The following RAB44 variants were observed in gnomAD, a reference collection of about 807,000 sequenced individuals.
RAB44 encodes RAB44, member RAS oncogene family.
A neutral mutation model predicts 93.3 loss-of-function variants in RAB44; 67 were observed. The observed-to-expected ratio is 0.72, with a 90% CI of 0.59 to 0.88. RAB44 has a LOEUF of 0.88. Ranked by LOEUF, RAB44 falls within the 40% of genes least tolerant of loss-of-function variation. RAB44 has a pLI of 0.00. For synonymous variants in RAB44, 427 were observed against 520.3 expected (o/e 0.82, Z 2.44); for missense variants, 1,064 against 1,261.7 (o/e 0.84, Z 2.37).
intron 1 of RAB44, among the ~76,000 whole-genome samples, chr6:36,700,790 T>C (rs984849443): frequency 2.0e-5 from 3 of 152,228 alleles, no homozygotes; most frequent in Non-Finnish European, 4.4e-5. Context: ...GAGTCTTTCT[T>C]TGAGTGTAAC....
intron 11 of RAB44, 129 bp from the exon 12 acceptor site, chr6:36,728,570 GA>G: frequency 2.9e-6 from 2 of 691,544 alleles, no homozygotes; most frequent in Middle Eastern, 2.5e-4. Flanking sequence ...GTCCAGGTGA[GA>G]AGGTTATGGA....
intron 3 of RAB44, among the ~76,000 whole-genome samples, chr6:36,714,807 C>A (rs2150332121): frequency 6.6e-6 from 1 of 152,376 alleles, no homozygotes; most frequent in African/African-American, 2.4e-5. Context: ...CTTCCTGGGG[C>A]CTGCAAGGCC....
chr6:36,701,247 C>T (rs916617435), intron 1 of RAB44, among the ~76,000 whole-genome samples: 15 of 152,148 alleles, frequency 9.9e-5, no homozygotes, highest in African/African-American at 3.6e-4. Context: ...ATAGCTAGAA[C>T]TTCAAGCACA....
intron 11 of RAB44, among the ~76,000 whole-genome samples, chr6:36,727,966 C>T (rs1376393835): frequency 6.6e-6 from 1 of 152,218 alleles, no homozygotes; most frequent in Non-Finnish European, 1.5e-5. Flanking sequence ...TCTTCTTACA[C>T]TTGAGGCTAA....
Position 36,713,912 on chromosome 6 carries a change from T to TC in RAB44, c.295dup (p.Leu99ProfsTer2). On this transcript the variant is annotated frameshift_variant, in exon 3 of 14. Coordinates refer to ENST00000612677, the MANE Select transcript of RAB44 (RefSeq NM_001257357.2). LOFTEE classifies it high-confidence loss of function. ...GGATGTGGAGCGGAAGGGACACCTG[T>TC]CCCTTGAAGAATTCAGCTCTGGACT... 6.5e-7 allele frequency: 1 copy of TC among 1,535,154 alleles called. No homozygotes were observed. Among genetic ancestry groups the TC allele is most frequent in the South Asian group, 1.2e-5 (1 of 84,050 alleles).
chr6:36,731,936 C>A lies in RAB44; in HGVS notation c.2976-67C>A. ...GCGGCCTCCCACCCCCCAGCTGCAC[C>A]CATGGGCCCATCCGTGCTGCCCGTA... On this transcript the variant is annotated intron_variant, in intron 13 of 13. Coordinates refer to ENST00000612677, the MANE Select transcript of RAB44 (RefSeq NM_001257357.2). This position sits in a 1 kb window ranked among gnomAD's most constrained non-coding sequence, Gnocchi z 4.0. 2 of 1,073,778 alleles carry A rather than the reference C, an allele frequency of 1.9e-6. No individual in the cohort carries two copies. The highest frequency in any genetic ancestry group is 2.4e-6 in the Non-Finnish European group (2 of 844,146). 66.5% of individuals were successfully genotyped at this position (1,073,778 alleles called of 1,614,324 possible). A position where few individuals can be genotyped will look rare whatever the true frequency, so the allele number is the denominator to read the frequency against.
At position 36,727,666 on chromosome 6, in the gene RAB44, T is replaced by G. The variant is rs1401826799; in HGVS notation, c.2771T>G (p.Val924Gly). 1.3e-6 allele frequency: 2 copies of G among 1,550,414 alleles called. No homozygotes were observed. Among genetic ancestry groups the G allele is most frequent in the African/African-American group, 2.7e-5 (2 of 73,062 alleles). ...DITSQESFAHVRYWLDCLQDA... is the reference protein window; with the variant it reads ...DITSQESFAHGRYWLDCLQDA... ...ACCTCCCAGGAGAGCTTTGCCCACGTGCGCTACTGGCTAGACTGTCTCCAG... is the reference window on the plus strand; with the variant it reads ...ACCTCCCAGGAGAGCTTTGCCCACGGGCGCTACTGGCTAGACTGTCTCCAG... Residue 924 changes from valine to glycine, a missense_variant, in exon 11 of 14, where the codon GTG becomes GGG. By Grantham distance (109) the Val-to-Gly change is moderately radical. Transcript: ENST00000612677.
intron 1 of RAB44, among the ~76,000 whole-genome samples, chr6:36,698,561 C>T (rs761393638): frequency 2.0e-5 from 3 of 152,016 alleles, no homozygotes; most frequent in East Asian, 1.9e-4. Flanking sequence ...AAGTTTTATG[C>T]GATTTCTTAG....
At chr6:36,719,091 T>C (rs1417701270) in intron 7 of RAB44, among the ~76,000 whole-genome samples, 1 of 152,144 alleles carries the variant, frequency 6.6e-6, no homozygotes, top group Non-Finnish European at 1.5e-5. Flanking sequence ...AGCTAATTTT[T>C]TGTATTTTTA....
chr6:36,720,790 T>C (rs904155319), intron 8 of RAB44, among the ~76,000 whole-genome samples: 3 of 152,206 alleles, frequency 2.0e-5, no homozygotes, highest in African/African-American at 7.2e-5. Context: ...CATGCACATG[T>C]GTGCATGTAC....
chr6:36,714,724 T>C (rs1762872437), intron 3 of RAB44, among the ~76,000 whole-genome samples: 1 of 152,206 alleles, frequency 6.6e-6, no homozygotes, highest in Admixed American at 6.5e-5. Flanking sequence ...CTTGGGGCCG[T>C]CTTCATTCCT....
intron 4 of RAB44, among the ~76,000 whole-genome samples, chr6:36,716,850 T>G (rs977944747): frequency 6.6e-6 from 1 of 152,172 alleles, no homozygotes; most frequent in Non-Finnish European, 1.5e-5. Context: ...AGCTGGTGCT[T>G]TCATCAGGTG....
rs1319492977 is a variant in RAB44, at chr6:36,727,581, C to T, written c.2686C>T (p.His896Tyr). The change falls in exon 11 of 14, where the codon CAC (histidine) becomes TAC (tyrosine). Residue 896 changes from histidine to tyrosine, a missense_variant. Transcript: ENST00000612677. ...TCATGCAGACTCTCTGGGCAGGTAC[C>T]ACAGTATGACGCGACAGCTGCTCCG... ...LWDTAGQERY[H>Y]SMTRQLLRKA... is the part of the protein sequence containing the mutation. 1 of 1,549,980 alleles carries T rather than the reference C, an allele frequency of 6.5e-7. No individual in the cohort carries two copies. Among genetic ancestry groups the T allele is most frequent in the South Asian group, 1.2e-5 (1 of 84,042 alleles).
chr6:36,727,622 G>A lies in RAB44; in HGVS notation c.2727G>A (p.Val909=). ...AGCTGCTCCGCAAGGCTGACGGGGT[G>A]GTGCTCATGTACGACATCACCTCCC... ...TRQLLRKADG[V]VLMYDITSQE... is the part of the protein sequence containing the mutation. The change falls in exon 11 of 14, where the codon GTG becomes GTA. Residue 909 remains valine (V), a synonymous_variant. Transcript: ENST00000612677. 1 of 1,550,598 alleles carries A rather than the reference G, an allele frequency of 6.4e-7. No homozygotes were observed. The highest frequency in any genetic ancestry group is 1.2e-5 in the South Asian group (1 of 84,064).
At chr6:36,714,026 C>A in intron 3 of RAB44, 87 bp downstream of exon 3, 1 of 835,822 alleles carries the variant, frequency 1.2e-6, no homozygotes, top group South Asian at 1.5e-5. Flanking sequence ...GTTAGAAAGG[C>A]AACCCTTTTC....
chr6:36,707,289 G>A (rs116148994), intron 2 of RAB44, among the ~76,000 whole-genome samples: 2,494 of 151,752 alleles, frequency 0.016, 90 homozygotes, highest in African/African-American at 0.056. Flanking sequence ...CGTGGGAGGC[G>A]GAGGCTGCAG....
chr6:36,709,743 G>T (rs1762736510), intron 2 of RAB44, among the ~76,000 whole-genome samples: 1 of 152,102 alleles, frequency 6.6e-6, no homozygotes, highest in South Asian at 2.1e-4. Context: ...TTTTAGTAGA[G>T]ACAGGGTTTC....
At chr6:36,716,070 G>A (rs1762913082) in intron 4 of RAB44, among the ~76,000 whole-genome samples, 1 of 152,174 alleles carries the variant, frequency 6.6e-6, no homozygotes, top group South Asian at 2.1e-4. Flanking sequence ...AGTTGGGGGC[G>A]ATTTCAGGCA....
chr6:36,699,956 G>A (rs1289980363), intron 1 of RAB44, among the ~76,000 whole-genome samples: 1 of 152,160 alleles, frequency 6.6e-6, no homozygotes, highest in Non-Finnish European at 1.5e-5. Flanking sequence ...TGTGTGCCAA[G>A]CGCTGTTCTA....
Sources: gnomAD v4.1 joint callset for allele counts (sites outside exome capture counted in the v4.1 genomes callset) on GRCh38, gnomAD v4.1.1 for gene constraint, Gnocchi (gnomAD v3.1) non-coding constraint, MANE v1.5 for transcripts, NCBI Gene and HGNC (gene_info 2026-07-23, HGNC 2026-07-21) for gene names.